The following CCSER1 variants were observed in gnomAD, a reference collection of about 807,000 sequenced individuals.
CCSER1 encodes coiled-coil serine rich protein 1, also known as serine-rich coiled-coil domain-containing protein 1.
Under a neutral mutation model 82.0 loss-of-function variants are expected in CCSER1, and 41 were observed. That is an observed-to-expected ratio of 0.50 (90% CI 0.39 to 0.65). The LOEUF is 0.65. Ranked by LOEUF, CCSER1 falls within the 30% of genes least tolerant of loss-of-function variation. CCSER1 has a pLI of 0.00. For synonymous variants in CCSER1, 414 were observed against 383.9 expected, an observed-to-expected ratio of 1.08 and a Z score of -0.92; for missense variants, 1,119 against 1,064.2, an observed-to-expected ratio of 1.05 and a Z score of -0.72.
At chr4:90,304,011 C>T (rs556762773) in intron 1 of CCSER1, among the ~76,000 whole-genome samples, 10 of 151,522 alleles carry the variant, frequency 6.6e-5, no homozygotes, top group East Asian at 1.9e-4. Context: ...AGACACTTCT[C>T]GAAGACATTT....
intron 10 of CCSER1, among the ~76,000 whole-genome samples, chr4:91,141,159 T>C (rs555667867): frequency 1.3e-5 from 2 of 152,090 alleles, no homozygotes; most frequent in East Asian, 3.9e-4. Flanking sequence ...CATTCTTTTT[T>C]TTTTTTTTCT....
chr4:91,147,656 C>A (rs985293332), intron 10 of CCSER1, among the ~76,000 whole-genome samples: 11 of 152,184 alleles, frequency 7.2e-5, no homozygotes, highest in Non-Finnish European at 1.6e-4. Flanking sequence ...GGGTGGAGCA[C>A]CAGCTGTGCT....
At chr4:91,097,206 A>T (rs1464464590) in intron 10 of CCSER1, among the ~76,000 whole-genome samples, 2 of 152,236 alleles carry the variant, frequency 1.3e-5, no homozygotes, top group African/African-American at 2.4e-5. Context: ...ACTTTATATC[A>T]TGATGAAGAG....
chr4:91,321,467 C>T (rs1746189897), intron 10 of CCSER1, among the ~76,000 whole-genome samples: 2 of 151,984 alleles, frequency 1.3e-5, no homozygotes, highest in Admixed American at 1.3e-4. Flanking sequence ...TGCAGCTTAA[C>T]ATAAGCAATC....
intron 8 of CCSER1, among the ~76,000 whole-genome samples, chr4:90,908,324 T>G (rs566669150): frequency 6.6e-6 from 1 of 152,226 alleles, no homozygotes; most frequent in East Asian, 1.9e-4. Flanking sequence ...AAGATCTTGA[T>G]CCATTCAAGA....
intron 9 of CCSER1, among the ~76,000 whole-genome samples, chr4:91,080,075 C>A (rs567368573): frequency 1.3e-5 from 2 of 152,292 alleles, no homozygotes. Context: ...ACCTCATAGA[C>A]ATCTACAGAA....
At chr4:90,645,834 A>G (rs2149010601) in intron 6 of CCSER1, among the ~76,000 whole-genome samples, 1 of 152,332 alleles carries the variant, frequency 6.6e-6, no homozygotes, top group East Asian at 1.9e-4. Flanking sequence ...TGAGAAACAT[A>G]TCTATTTTAT....
At chr4:90,960,569 C>T (rs1015136506) in intron 9 of CCSER1, among the ~76,000 whole-genome samples, 37 of 152,144 alleles carry the variant, frequency 2.4e-4, no homozygotes, top group African/African-American at 8.9e-4. Context: ...CAGCCTATCC[C>T]CAGCTCAGAC....
intron 10 of CCSER1, among the ~76,000 whole-genome samples, chr4:91,209,507 A>G (rs542371117): frequency 6.6e-6 from 1 of 152,008 alleles, no homozygotes; most frequent in Non-Finnish European, 1.5e-5. Flanking sequence ...TATGCGATGA[A>G]TCACATTTAT....
At chr4:91,204,148 T>C (rs1231494971) in intron 10 of CCSER1, among the ~76,000 whole-genome samples, 1 of 151,876 alleles carries the variant, frequency 6.6e-6, no homozygotes, top group Non-Finnish European at 1.5e-5. Flanking sequence ...TAGTCATTTA[T>C]TGTTTTTATA....
chr4:90,463,223 A>G (rs1763168783), intron 4 of CCSER1, among the ~76,000 whole-genome samples: 1 of 152,244 alleles, frequency 6.6e-6, no homozygotes, highest in Non-Finnish European at 1.5e-5. Context: ...TTCTTAGAAT[A>G]AAGAATCCAG....
chr4:91,423,228 C>T (rs1753780286), intron 10 of CCSER1, among the ~76,000 whole-genome samples: 1 of 150,764 alleles, frequency 6.6e-6, no homozygotes, highest in African/African-American at 2.4e-5. Context: ...GAGTTCAAGA[C>T]CAGCGTGGCC....
At chr4:90,557,878 T>A (rs1778317581) in intron 5 of CCSER1, among the ~76,000 whole-genome samples, 1 of 152,160 alleles carries the variant, frequency 6.6e-6, no homozygotes, top group Non-Finnish European at 1.5e-5. Flanking sequence ...ATAAACAAGT[T>A]GTATTTTGAT....
At chr4:90,856,535 G>A (rs939496288) in intron 8 of CCSER1, among the ~76,000 whole-genome samples, 1 of 151,986 alleles carries the variant, frequency 6.6e-6, no homozygotes, top group African/African-American at 2.4e-5. Context: ...CCATTCCCCT[G>A]GGTTCAGATG....
At chr4:90,451,234 G>A (rs1321341077) in intron 4 of CCSER1, among the ~76,000 whole-genome samples, 1 of 152,090 alleles carries the variant, frequency 6.6e-6, no homozygotes, top group Non-Finnish European at 1.5e-5. Context: ...ATTAATTAGT[G>A]CTTTTATCAC....
chr4:91,080,025 A>C (rs919764096), intron 9 of CCSER1, among the ~76,000 whole-genome samples: 3 of 152,164 alleles, frequency 2.0e-5, no homozygotes, highest in African/African-American at 7.2e-5. Context: ...GAAAGTTAAT[A>C]AGGATATCCA....
intron 9 of CCSER1, among the ~76,000 whole-genome samples, chr4:91,002,399 T>G (rs1669863853): frequency 6.6e-6 from 1 of 152,172 alleles, no homozygotes; most frequent in Non-Finnish European, 1.5e-5. Flanking sequence ...TATTCTTAGG[T>G]TTGGTTGTTT....
At chr4:90,206,965 G>C (rs1233568724) in intron 1 of CCSER1, among the ~76,000 whole-genome samples, 1 of 151,674 alleles carries the variant, frequency 6.6e-6, no homozygotes, top group Non-Finnish European at 1.5e-5. Context: ...GATCTTTGTT[G>C]GTTCAAAGTG....
At chr4:90,178,579 G>A (rs907381171) in intron 1 of CCSER1, among the ~76,000 whole-genome samples, 1 of 152,036 alleles carries the variant, frequency 6.6e-6, no homozygotes, top group Non-Finnish European at 1.5e-5. Flanking sequence ...ATATAAATAA[G>A]TGTTAATGAG....
Sources: allele counts gnomAD v4.1 joint callset (sites outside exome capture counted in the v4.1 genomes callset), GRCh38; gene constraint gnomAD v4.1.1; transcripts MANE v1.5; gene names NCBI Gene and HGNC (gene_info 2026-07-23, HGNC 2026-07-21).